The following PAN3 variants were observed in gnomAD, a reference collection of about 807,000 sequenced individuals.
PAN3 encodes poly(A) specific ribonuclease subunit PAN3, also known as PAN2-PAN3 deadenylation complex subunit PAN3.
PAN3 carries 19 observed loss-of-function variants against 96.2 expected under a neutral mutation model. The ratio of observed to expected loss-of-function variants is 0.20; its 90% CI spans 0.14 to 0.29. The LOEUF (loss-of-function observed/expected upper bound fraction) is 0.29, where lower values mean the gene tolerates loss of function less well. Ranked by LOEUF, PAN3 falls within the 10% of genes least tolerant of loss-of-function variation. The probability of loss-of-function intolerance (pLI) is 1.00; values close to 1 mark genes in which losing one functional copy is unlikely to be tolerated. For missense variants in PAN3, 882 were observed against 1,108.1 expected (o/e 0.80, Z 2.90); for synonymous variants, 433 against 406.6 (o/e 1.06, Z -0.78).
At chr13:28,252,188 CT>C (rs10545190) in intron 6 of PAN3, among the ~76,000 whole-genome samples, 13,389 of 112,456 alleles carry the variant, frequency 0.12, 726 homozygotes, top group Middle Eastern at 0.16. Context: ...GCGACGGGCC[CT>C]TTTTTTTTTT....
intron 2 of PAN3, among the ~76,000 whole-genome samples, chr13:28,174,662 TGTTA>T (rs1255415179): frequency 2.0e-5 from 3 of 152,190 alleles, no homozygotes; most frequent in Admixed American, 1.3e-4. Flanking sequence ...TTTGTATGTA[TGTTA>T]GTTAAACTTG....
In PAN3 at chr13:28,265,971, A is replaced by G. The variant is rs1365687504; in HGVS notation, c.1412-744A>G. Among the ~76,000 whole-genome samples, 18 of 3,016 alleles carry G rather than the reference A, an allele frequency of 6.0e-3. 9 individuals carry two copies. The highest frequency in any genetic ancestry group is 0.033 in the African/African-American group (18 of 542). 2.0% of individuals were successfully genotyped at this position (3,016 alleles called of 152,430 possible). A position where few individuals can be genotyped will look rare whatever the true frequency, so the allele number is the denominator to read the frequency against. ...AGGATGGTCTCGATCTCCTGACCTC[A>G]TGATCCACCCGCCTCGGCCTCCCAA... On this transcript the variant is annotated intron_variant, in intron 9 of 18. Transcript: ENST00000380958.
intron 5 of PAN3, among the ~76,000 whole-genome samples, chr13:28,211,238 CA>C: frequency 6.6e-6 from 1 of 152,016 alleles, no homozygotes; most frequent in South Asian, 2.1e-4. Context: ...ATCACTTTAA[CA>C]AGGCAAAAAA....
Position 28,266,755 on chromosome 13 carries a change from T to C in PAN3, c.1452T>C (p.Pro484=). 1 of 1,609,592 alleles carries C rather than the reference T, an allele frequency of 6.2e-7. No homozygotes were observed. Among genetic ancestry groups the C allele is most frequent in the South Asian group, 1.1e-5 (1 of 90,520 alleles). The part of the protein sequence containing the change: ...TEVDSYHSLF[P]LEPLPPPNRI... ...TTGACAGCTACCATAGCCTATTCCC[T>C]CTAGAACCACTGCCACCTCCCAACC... is the stretch of plus-strand genomic sequence containing the variant. Residue 484 remains proline, a synonymous_variant, in exon 10 of 19, where the codon CCT becomes CCC. Coordinates refer to ENST00000380958, the MANE Select transcript of PAN3 (RefSeq NM_175854.8).
rs559394309 is a variant in PAN3 at position 28,235,178 on chromosome 13, C to A, written c.1000+14800C>A. ...CATGTTCTCTGCATGTGTCATTCCTCCCATTCCTTCCATGGCTGGTTCCTT... is the reference window on the plus strand; with the variant it reads ...CATGTTCTCTGCATGTGTCATTCCTACCATTCCTTCCATGGCTGGTTCCTT... On this transcript the variant is annotated intron_variant, in intron 6 of 18. Coordinates refer to ENST00000380958, the MANE Select transcript of PAN3 (RefSeq NM_175854.8). 2.6e-5 allele frequency among the ~76,000 whole-genome samples: 4 copies of A among 152,262 alleles called. No homozygotes were observed. In the South Asian group the frequency reaches 8.3e-4, roughly 32 times the overall value.
At chr13:28,170,502 A>G (rs1458744577) in intron 1 of PAN3, among the ~76,000 whole-genome samples, 1 of 152,220 alleles carries the variant, frequency 6.6e-6, no homozygotes. Flanking sequence ...GGCTTGTACA[A>G]AATGTGAAAA....
intron 6 of PAN3, among the ~76,000 whole-genome samples, chr13:28,226,920 T>C (rs2138416395): frequency 6.6e-6 from 1 of 152,364 alleles, no homozygotes; most frequent in Non-Finnish European, 1.5e-5. Context: ...GTTTGGAGAT[T>C]GCTTTCTTCA....
intron 5 of PAN3, among the ~76,000 whole-genome samples, chr13:28,200,957 T>A (rs1878615141): frequency 6.6e-6 from 1 of 152,176 alleles, no homozygotes; most frequent in Non-Finnish European, 1.5e-5. Flanking sequence ...GGGATCTCCA[T>A]AATTGCCAAA....
chr13:28,185,670 C>T (rs868383514), intron 4 of PAN3, among the ~76,000 whole-genome samples: 1 of 152,160 alleles, frequency 6.6e-6, no homozygotes, highest in South Asian at 2.1e-4. Flanking sequence ...TAAACGTGAA[C>T]TGAAATTTTT....
At chr13:28,278,296 C>A (rs1887215378) in intron 15 of PAN3, among the ~76,000 whole-genome samples, 1 of 152,172 alleles carries the variant, frequency 6.6e-6, no homozygotes, top group Non-Finnish European at 1.5e-5. Flanking sequence ...TTGTCTGGAT[C>A]CTATTCATAA....
chr13:28,286,225 A>C (rs540173853), intron 17 of PAN3, among the ~76,000 whole-genome samples: 1 of 152,302 alleles, frequency 6.6e-6, no homozygotes, highest in South Asian at 2.1e-4. Flanking sequence ...CTGTGGTATA[A>C]GCCTGACAGC....
chr13:28,270,025 G>A (rs1398452744), intron 12 of PAN3, among the ~76,000 whole-genome samples: 1 of 152,132 alleles, frequency 6.6e-6, no homozygotes, highest in East Asian at 1.9e-4. Flanking sequence ...CCCAGGAGTT[G>A]GAGATCAGCC....
At chr13:28,155,815 G>A (rs1272411459) in intron 1 of PAN3, among the ~76,000 whole-genome samples, 1 of 152,028 alleles carries the variant, frequency 6.6e-6, no homozygotes, top group Admixed American at 6.6e-5. Context: ...GATGTATGAG[G>A]CATACATACC....
At chr13:28,187,338 A>G (rs1032367105) in intron 4 of PAN3, among the ~76,000 whole-genome samples, 4 of 152,162 alleles carry the variant, frequency 2.6e-5, no homozygotes, top group Non-Finnish European at 5.9e-5. Context: ...AAAAAATACA[A>G]CAATTTTTTT....
At chr13:28,280,720 C>T (rs1262320862) in intron 16 of PAN3, among the ~76,000 whole-genome samples, 179 bp downstream of exon 16, 3 of 151,956 alleles carry the variant, frequency 2.0e-5, no homozygotes, top group African/African-American at 7.3e-5. Flanking sequence ...CGCCACCACA[C>T]CCCGCTATTT....
chr13:28,257,480 G>A lies in PAN3; in HGVS notation c.1248+941G>A, dbSNP rs568748846. ...AGAGACCAGTGTTAGGAACCAGGCC[G>A]CACAGCAGGAGGTGAGCAGTGGGCG... is the stretch of plus-strand genomic sequence containing the variant. On this transcript the variant is annotated intron_variant, in intron 7 of 18. Transcript: ENST00000380958. 1.4e-4 allele frequency among the ~76,000 whole-genome samples: 21 copies of A among 151,226 alleles called. No homozygotes were observed. In the South Asian group the frequency reaches 1.5e-3, roughly 10 times the overall value.
In PAN3 at chr13:28,162,949, T is replaced by C. The variant is rs138687555; in HGVS notation, c.431-11323T>C. On this transcript the variant is annotated intron_variant, in intron 1 of 18. Coordinates refer to ENST00000380958, the MANE Select transcript of PAN3 (RefSeq NM_175854.8). ...AAAGGTGTGCATAATTACAGATACA[T>C]ACAGTGTAGTTACAGATAATTTAAG... 6.1e-3 allele frequency among the ~76,000 whole-genome samples: 931 copies of C among 151,910 alleles called. 5 individuals are homozygous for C. Among genetic ancestry groups the C allele is most frequent in the Non-Finnish European group, 0.01 (683 of 67,976 alleles).
At chr13:28,209,022 C>T (rs1879713371) in intron 5 of PAN3, among the ~76,000 whole-genome samples, 1 of 152,132 alleles carries the variant, frequency 6.6e-6, no homozygotes, top group Non-Finnish European at 1.5e-5. Flanking sequence ...GTGCTTAAGG[C>T]ATAATATTTG....
Position 28,174,357 on chromosome 13 carries a change from T to C in PAN3, c.516T>C (p.Phe172=). Residue 172 remains phenylalanine (F), a synonymous_variant, in exon 2 of 19, where the codon TTT becomes TTC. Transcript: ENST00000380958. ...CCAGCTTTATTGGAGTCAATGGATTTGGAAGCCCTGTAGAAACAAAATATC... is the reference window on the plus strand; with the variant it reads ...CCAGCTTTATTGGAGTCAATGGATTCGGAAGCCCTGTAGAAACAAAATATC... ...FSTSFIGVNG[F]GSPVETKYPL... 1 of 1,613,370 alleles carries C rather than the reference T, an allele frequency of 6.2e-7. No individual in the cohort carries two copies. The highest frequency in any genetic ancestry group is 8.5e-7 in the Non-Finnish European group (1 of 1,179,374).
Sources: gnomAD v4.1 joint callset for allele counts (sites outside exome capture counted in the v4.1 genomes callset) on GRCh38, gnomAD v4.1.1 for gene constraint, MANE v1.5 for transcripts, NCBI Gene and HGNC (gene_info 2026-07-23, HGNC 2026-07-21) for gene names.